Variants in TRIO observed in about 807,000 individuals in gnomAD.
The protein encoded by TRIO is triple functional domain protein.
Under a neutral mutation model 351.9 loss-of-function variants are expected in TRIO, and 58 were observed. The observed-to-expected ratio is 0.16, with a 90% CI of 0.13 to 0.21. TRIO has a LOEUF of 0.21. Among genes scored for constraint, TRIO ranks in the 10% least tolerant of loss-of-function variants. The probability of loss-of-function intolerance (pLI) is 1.00; values close to 1 mark genes in which losing one functional copy is unlikely to be tolerated. For synonymous variants in TRIO, 1,758 were observed against 1,595.7 expected (o/e 1.10, Z -2.42); for missense variants, 3,201 against 4,027.8 (o/e 0.79, Z 5.56).
intron 1 of TRIO, among the ~76,000 whole-genome samples, chr5:14,225,024 C>T (rs1792898694): frequency 6.6e-6 from 1 of 152,142 alleles, no homozygotes; most frequent in Non-Finnish European, 1.5e-5. Flanking sequence ...ATGTAGAACT[C>T]CTGAGCAGTT....
At position 14,416,685 on chromosome 5, in the gene TRIO, C is replaced by A. The variant is rs543322481; in HGVS notation, c.4960-3093C>A. The stretch of plus-strand genomic sequence containing the variant: ...ATTACTCTTTAAGGGCCTAAAAAAT[C>A]AGTGCCAGAAATAAAGTCTAGCTTA... On this transcript the variant is annotated intron_variant, in intron 33 of 56. Coordinates refer to ENST00000344204, the MANE Select transcript of TRIO (RefSeq NM_007118.4). 5.9e-5 allele frequency among the ~76,000 whole-genome samples: 9 copies of A among 152,332 alleles called. No individual in the cohort carries two copies. In the South Asian group the frequency reaches 1.2e-3, roughly 21 times the overall value.
At chr5:14,162,134 T>A (rs1001592072) in intron 1 of TRIO, among the ~76,000 whole-genome samples, 2 of 152,166 alleles carry the variant, frequency 1.3e-5, no homozygotes, top group Admixed American at 6.5e-5. Flanking sequence ...GTAAGTGCAG[T>A]TTGCAGAATC....
Position 14,491,302 on chromosome 5 carries a change from A to G in TRIO, c.7633-1265A>G, listed in dbSNP as rs894607978. 4.6e-5 allele frequency among the ~76,000 whole-genome samples: 7 copies of G among 152,158 alleles called. No individual in the cohort carries two copies. The East Asian group carries it at 1.3e-3, about 29-fold the overall frequency. The stretch of plus-strand genomic sequence containing the variant: ...AGAGGCGGTAGAGCAGGGTTATCTG[A>G]CAAATTGCATCTGCACTGACCCAGG... On this transcript the variant is annotated intron_variant, in intron 48 of 56. Coordinates refer to ENST00000344204, the MANE Select transcript of TRIO (RefSeq NM_007118.4).
rs1756020276 is a variant in TRIO, at chr5:14,487,509, G to C, written c.6881G>C (p.Gly2294Ala). Residue 2294 changes from glycine to alanine, a missense_variant, in exon 48 of 57, where the codon GGC (glycine) becomes GCC (alanine). Physicochemically the swap from Gly to Ala is moderately conservative, Grantham distance 60. This residue lies in a region of TRIO where 1,089 missense variants were observed against 954.9 expected (regional missense o/e 1.14). Coordinates refer to ENST00000344204, the MANE Select transcript of TRIO (RefSeq NM_007118.4). ...TACCAGAGGAACCACAGCGGGGGCGGCGGCGGCGGCGGCAGCGGGGGCAGC... is the reference window on the plus strand; with the variant it reads ...TACCAGAGGAACCACAGCGGGGGCGCCGGCGGCGGCGGCAGCGGGGGCAGC... ...IEYQRNHSGG[G>A]GGGGSGGSGG... The C allele has an allele frequency of 8.4e-6, 9 of 1,076,384 alleles. No homozygotes were observed. The highest frequency in any genetic ancestry group is 6.9e-6 in the Non-Finnish European group (6 of 875,130). 66.7% of individuals were successfully genotyped at this position (1,076,384 alleles called of 1,614,324 possible).
At chr5:14,309,445 G>A (rs1394334508) in intron 8 of TRIO, among the ~76,000 whole-genome samples, 1 of 152,194 alleles carries the variant, frequency 6.6e-6, no homozygotes, top group Non-Finnish European at 1.5e-5. Context: ...TGCCAAGAGG[G>A]AAGGTGTCAG....
At chr5:14,368,683 C>T (rs973626875) in intron 16 of TRIO, 25 bp from the exon 17 acceptor site, 2 of 1,600,076 alleles carry the variant, frequency 1.2e-6, no homozygotes, top group Non-Finnish European at 1.7e-6. Context: ...ACAAATAAGC[C>T]TTCCCTTTTG....
intron 13 of TRIO, among the ~76,000 whole-genome samples, chr5:14,361,311 A>AT (rs1744132460): frequency 2.6e-5 from 4 of 152,116 alleles, no homozygotes; most frequent in Middle Eastern, 3.2e-3. Context: ...AAAAACATAC[A>AT]TTTTTCCCCC....
intron 1 of TRIO, among the ~76,000 whole-genome samples, chr5:14,161,070 C>A (rs937696512): frequency 6.6e-6 from 1 of 152,036 alleles, no homozygotes; most frequent in Non-Finnish European, 1.5e-5. Context: ...CCACCACACC[C>A]GGCTAATTTT....
chr5:14,458,061 CCAT>C (rs1443798022), intron 34 of TRIO, among the ~76,000 whole-genome samples: 1 of 146,344 alleles, frequency 6.8e-6, no homozygotes, highest in Non-Finnish European at 1.5e-5. Context: ...TTTTTTTCCT[CCAT>C]CAGTTTATCC....
intron 18 of TRIO, among the ~76,000 whole-genome samples, chr5:14,371,287 CA>C (rs1371113951): frequency 1.3e-5 from 2 of 152,164 alleles, no homozygotes; most frequent in Non-Finnish European, 2.9e-5. Flanking sequence ...TCTGTAATCA[CA>C]AGCCTTTTTG....
intron 18 of TRIO, among the ~76,000 whole-genome samples, chr5:14,370,114 TCTTTC>T (rs1297039278): frequency 6.6e-6 from 1 of 151,274 alleles, no homozygotes; most frequent in African/African-American, 2.5e-5. Context: ...TTTCTTTCTT[TCTTTC>T]TTTCTTTTTT....
chr5:14,476,838 C>A, intron 40 of TRIO, 56 bp from the exon 41 acceptor site: 1 of 1,422,884 alleles, frequency 7.0e-7, no homozygotes, highest in Non-Finnish European at 9.7e-7. Context: ...AAACCTAAAT[C>A]TAAAATTAGA....
At chr5:14,175,708 A>G (rs1206833711) in intron 1 of TRIO, among the ~76,000 whole-genome samples, 1 of 152,226 alleles carries the variant, frequency 6.6e-6, no homozygotes, top group African/African-American at 2.4e-5. Flanking sequence ...AAATTACACA[A>G]ATATTTGGGA....
At chr5:14,418,192 G>A (rs1042726464) in intron 33 of TRIO, among the ~76,000 whole-genome samples, 10 of 152,300 alleles carry the variant, frequency 6.6e-5, no homozygotes, top group Admixed American at 6.5e-4. Context: ...GGGATGGTAT[G>A]GGCTACTTAC....
intron 1 of TRIO, among the ~76,000 whole-genome samples, chr5:14,146,592 G>C (rs1787537684): frequency 6.6e-6 from 1 of 152,226 alleles, no homozygotes; most frequent in African/African-American, 2.4e-5. Context: ...TTCAGAAATA[G>C]AGTGAACAGT....
At chr5:14,455,372 T>C (rs1464255429) in intron 34 of TRIO, among the ~76,000 whole-genome samples, 1 of 151,940 alleles carries the variant, frequency 6.6e-6, no homozygotes, top group African/African-American at 2.4e-5. Context: ...GTATTTACAA[T>C]CCTCTAGCTA....
rs1744878829 is a variant in TRIO, at chr5:14,369,356, A to G, written c.3067-18A>G. On this transcript the variant is annotated intron_variant, in intron 17 of 56. Coordinates refer to ENST00000344204, the MANE Select transcript of TRIO (RefSeq NM_007118.4). ...TGGCAGATGCCAAGTCTGAGCCTCAAACTTTTCCTGCTCACAGGTCTGCAG... is the reference window on the plus strand; with the variant it reads ...TGGCAGATGCCAAGTCTGAGCCTCAGACTTTTCCTGCTCACAGGTCTGCAG... 5 of 1,590,682 alleles carry G rather than the reference A, an allele frequency of 3.1e-6. No homozygotes were observed. Among genetic ancestry groups the G allele is most frequent in the African/African-American group, 1.3e-5 (1 of 74,242 alleles).
At chr5:14,145,319 C>T (rs926849256) in intron 1 of TRIO, among the ~76,000 whole-genome samples, 4 of 152,162 alleles carry the variant, frequency 2.6e-5, no homozygotes, top group Non-Finnish European at 5.9e-5. Context: ...TTGATCTTTG[C>T]TAGGCGGGGT....
chr5:14,398,749 G>T (rs921374218), intron 29 of TRIO, 131 bp from the exon 30 acceptor site: 9 of 812,048 alleles, frequency 1.1e-5, no homozygotes, highest in African/African-American at 5.2e-5. Context: ...GTCAGGATCA[G>T]ATGGGAAACT....
Sources: allele counts gnomAD v4.1 joint callset (sites outside exome capture counted in the v4.1 genomes callset), GRCh38; gene constraint gnomAD v4.1.1; regional missense constraint gnomAD v4.1.1; transcripts MANE v1.5; gene names NCBI Gene and HGNC (gene_info 2026-07-23, HGNC 2026-07-21).